GALNT13: variants seen among roughly 807,000 people sequenced by gnomAD.
The protein encoded by GALNT13 is UDP-GalNAc:polypeptide N-acetylgalactosaminyltransferase 13.
A neutral mutation model predicts 64.2 loss-of-function variants in GALNT13; 28 were observed. The ratio of observed to expected loss-of-function variants is 0.44; its 90% confidence interval spans 0.32 to 0.60. The LOEUF (loss-of-function observed/expected upper bound fraction) is 0.60, where lower values mean the gene tolerates loss of function less well. GALNT13 is among the 20% of genes least tolerant of loss of function. The pLI is 0.05. For synonymous variants in GALNT13, 214 were observed against 224.6 expected (o/e 0.95, Z 0.42); for missense variants, 577 against 669.8 (o/e 0.86, Z 1.53).
intron 3 of GALNT13, among the ~76,000 whole-genome samples, chr2:154,092,738 G>C (rs1701879450): frequency 6.6e-6 from 1 of 152,016 alleles, no homozygotes. Flanking sequence ...CATGAACAGT[G>C]GTAACTGATG....
the GALNT13 span, among the ~76,000 whole-genome samples, chr2:153,266,709 T>A: frequency 2.0e-5 from 3 of 152,244 alleles, no homozygotes; most frequent in African/African-American, 7.2e-5. Flanking sequence ...ACTAGGTCCC[T>A]CCCTTGACAC....
At chr2:153,245,079 A>G in the GALNT13 span, among the ~76,000 whole-genome samples, 1 of 152,216 alleles carries the variant, frequency 6.6e-6, no homozygotes, top group East Asian at 1.9e-4. Flanking sequence ...ATTCCTCCTC[A>G]CTGCGCAGGG....
chr2:154,216,515 G>A (rs1688049631), intron 4 of GALNT13, among the ~76,000 whole-genome samples: 1 of 152,074 alleles, frequency 6.6e-6, no homozygotes. Flanking sequence ...AACAAATTAT[G>A]AATGTGAAAT....
At chr2:153,366,720 GACACACACACACACACACAC>G in the GALNT13 span, among the ~76,000 whole-genome samples, 189 of 109,154 alleles carry the variant, frequency 1.7e-3, 1 homozygote, top group Non-Finnish European at 2.3e-3. Context: ...AGCACACAGG[GACACACACACACACACACAC>G]ACACACACAC....
At chr2:154,337,540 C>T (rs141105761) in intron 9 of GALNT13, among the ~76,000 whole-genome samples, 108 of 152,032 alleles carry the variant, frequency 7.1e-4, no homozygotes, top group African/African-American at 2.4e-3. Context: ...AACCCATAAG[C>T]ATACCACATA....
At chr2:153,974,357 C>T (rs1437483814) in intron 3 of GALNT13, among the ~76,000 whole-genome samples, 1 of 152,026 alleles carries the variant, frequency 6.6e-6, no homozygotes, top group Non-Finnish European at 1.5e-5. Flanking sequence ...TCTGTCATTA[C>T]CTGAAGGTGT....
chr2:154,057,311 G>A (rs1024432050), intron 3 of GALNT13, among the ~76,000 whole-genome samples: 3 of 152,112 alleles, frequency 2.0e-5, no homozygotes, highest in Non-Finnish European at 2.9e-5. Context: ...TTATAGGTGC[G>A]AGCCACCACG....
chr2:153,291,491 G>A, the GALNT13 span, among the ~76,000 whole-genome samples: 63 of 152,156 alleles, frequency 4.1e-4, no homozygotes, highest in African/African-American at 1.4e-3. Context: ...AAAAGATTTC[G>A]TATGTGAATT....
downstream of GALNT13, among the ~76,000 whole-genome samples, chr2:154,455,604 T>TAGTA (rs1310918153): frequency 1.1e-4 from 16 of 152,114 alleles, no homozygotes; most frequent in African/African-American, 3.9e-4. Context: ...CCCTTATGTA[T>TAGTA]AGTACATGGA....
At chr2:153,645,157 A>C in the GALNT13 span, among the ~76,000 whole-genome samples, 1 of 152,142 alleles carries the variant, frequency 6.6e-6, no homozygotes, top group Admixed American at 6.6e-5. Context: ...ACATCTTATA[A>C]GAATATGAAG....
the GALNT13 span, among the ~76,000 whole-genome samples, chr2:153,631,520 A>G: frequency 2.1e-4 from 32 of 152,244 alleles, no homozygotes; most frequent in Non-Finnish European, 3.8e-4. Flanking sequence ...GTGTGAAATG[A>G]TATCTCATTG....
intron 6 of GALNT13, among the ~76,000 whole-genome samples, chr2:154,245,104 AAAAT>A (rs61010587): frequency 0.018 from 2,427 of 137,806 alleles, 35 homozygotes; most frequent in East Asian, 0.056. Context: ...AGGCTCTGTC[AAAAT>A]AAATAAATAA....
At chr2:153,893,462 AAAAG>A in intron 1 of GALNT13, among the ~76,000 whole-genome samples, 1 of 152,212 alleles carries the variant, frequency 6.6e-6, no homozygotes, top group African/African-American at 2.4e-5. Context: ...AAAAATGTAA[AAAAG>A]AATATGAAAA....
the GALNT13 span, among the ~76,000 whole-genome samples, chr2:153,241,657 A>ATATG: frequency 6.6e-6 from 1 of 150,862 alleles, no homozygotes; most frequent in Middle Eastern, 3.4e-3. Flanking sequence ...CTGTGTGTGT[A>ATATG]TGTGTATGTG....
chr2:153,959,932 T>C (rs1395439324), intron 3 of GALNT13, among the ~76,000 whole-genome samples: 1 of 152,086 alleles, frequency 6.6e-6, no homozygotes, highest in Non-Finnish European at 1.5e-5. Context: ...GCAGACAGCC[T>C]CACAGCCGTC....
the GALNT13 span, among the ~76,000 whole-genome samples, chr2:153,164,362 T>G: frequency 2.6e-5 from 4 of 152,190 alleles, no homozygotes; most frequent in Non-Finnish European, 4.4e-5. Context: ...CACATCTGTG[T>G]TTTGCTTTTT....
the GALNT13 span, among the ~76,000 whole-genome samples, chr2:153,669,287 G>A: frequency 1.9e-3 from 291 of 152,228 alleles, 1 homozygote; most frequent in African/African-American, 6.9e-3. Flanking sequence ...ATGTGCACAT[G>A]TGAAACTCAC....
intron 3 of GALNT13, among the ~76,000 whole-genome samples, chr2:154,096,982 A>C (rs148683383): frequency 7.0e-6 from 1 of 143,266 alleles, no homozygotes; most frequent in East Asian, 2.2e-4. Context: ...ATCAAAATAA[A>C]CTAGTAAGTG....
the GALNT13 span, among the ~76,000 whole-genome samples, chr2:153,111,761 A>C: frequency 1.3e-5 from 2 of 152,026 alleles, no homozygotes; most frequent in Non-Finnish European, 2.9e-5. Flanking sequence ...TACTAATACT[A>C]TCCTTTCCCC....
Sources: gnomAD v4.1 joint callset for allele counts (sites outside exome capture counted in the v4.1 genomes callset) on GRCh38, gnomAD v4.1.1 for gene constraint, MANE v1.5 for transcripts, NCBI Gene and HGNC (gene_info 2026-07-23, HGNC 2026-07-21) for gene names.